Variants in CNTNAP2 observed in about 807,000 individuals in gnomAD.
CNTNAP2 encodes contactin associated protein 2, also known as contactin-associated protein-like 2.
CNTNAP2 carries 98 observed loss-of-function variants against 155.2 expected under a neutral mutation model. The ratio of observed to expected loss-of-function variants is 0.63; its 90% CI spans 0.54 to 0.75. The LOEUF is 0.75. Ranked by LOEUF, CNTNAP2 falls within the 30% of genes least tolerant of loss-of-function variation. CNTNAP2 has a pLI of 0.00. For missense variants in CNTNAP2, 1,727 were observed against 1,688.1 expected (o/e 1.02, Z -0.40); for synonymous variants, 651 against 631.2 (o/e 1.03, Z -0.47).
At position 148,254,861 on chromosome 7, in the gene CNTNAP2, T is replaced by G. The variant is rs186034854; in HGVS notation, c.3382-12172T>G. On this transcript the variant is annotated intron_variant, in intron 20 of 23. Transcript: ENST00000361727. ...GTTAATATCTATTTTCAAAAGCGAC[T>G]CTTCCTAATTTTATTGTTTTCTTCC... Among the ~76,000 whole-genome samples the G allele has an allele frequency of 2.1e-3, 315 of 152,186 alleles. 3 individuals carry two copies. Among genetic ancestry groups the G allele is most frequent in the African/African-American group, 7.3e-3 (303 of 41,530 alleles).
intron 9 of CNTNAP2, among the ~76,000 whole-genome samples, chr7:147,372,118 T>C (rs754561728): frequency 1.2e-4 from 18 of 152,080 alleles, no homozygotes; most frequent in South Asian, 2.1e-4. Flanking sequence ...AGAGAAAGCA[T>C]AGGGCTCAGG....
In CNTNAP2 at chr7:148,350,540, G is replaced by T. The variant is rs564928536; in HGVS notation, c.3476-33109G>T. 9.4e-4 allele frequency among the ~76,000 whole-genome samples: 143 copies of T among 152,258 alleles called. 1 individual carries two copies. The highest frequency in any genetic ancestry group is 1.8e-3 in the Admixed American group (28 of 15,290). ...GCAATAAGTCATTATTTTCAATGGGGTCGATAATACTGTCTCTGACACTAG... is the reference window on the plus strand; with the variant it reads ...GCAATAAGTCATTATTTTCAATGGGTTCGATAATACTGTCTCTGACACTAG... On this transcript the variant is annotated intron_variant, in intron 21 of 23. Transcript: ENST00000361727.
intron 9 of CNTNAP2, among the ~76,000 whole-genome samples, chr7:147,363,800 A>G (rs1461564096): frequency 6.6e-6 from 1 of 152,244 alleles, no homozygotes; most frequent in Non-Finnish European, 1.5e-5. Context: ...TTTAGGCTCA[A>G]TTCTCCAATG....
chr7:147,875,689 C>A (rs1799410467), intron 13 of CNTNAP2, among the ~76,000 whole-genome samples: 1 of 152,082 alleles, frequency 6.6e-6, no homozygotes, highest in East Asian at 1.9e-4. Flanking sequence ...CCCATGAGTT[C>A]AAGGCCAGCC....
intron 8 of CNTNAP2, among the ~76,000 whole-genome samples, chr7:147,169,622 G>A (rs1802186643): frequency 6.6e-6 from 1 of 151,576 alleles, no homozygotes; most frequent in Admixed American, 6.6e-5. Flanking sequence ...CATTAAGGAA[G>A]GAGGGAAGGA....
chr7:147,420,880 A>C (rs909211575), intron 10 of CNTNAP2, among the ~76,000 whole-genome samples: 17 of 152,208 alleles, frequency 1.1e-4, no homozygotes, highest in African/African-American at 4.1e-4. Flanking sequence ...CAATGTTTGT[A>C]ATCTAGTCCT....
intron 8 of CNTNAP2, among the ~76,000 whole-genome samples, chr7:147,168,767 T>C (rs1015840429): frequency 6.6e-6 from 1 of 152,148 alleles, no homozygotes; most frequent in African/African-American, 2.4e-5. Flanking sequence ...TTTAATACAC[T>C]TTTCATCTTT....
chr7:148,380,244 A>T (rs1259471484), intron 21 of CNTNAP2, among the ~76,000 whole-genome samples: 1 of 152,238 alleles, frequency 6.6e-6, no homozygotes, highest in Non-Finnish European at 1.5e-5. Flanking sequence ...ATTTGGTTTC[A>T]GTAGAGACCA....
At chr7:147,709,386 G>A (rs1796369313) in intron 13 of CNTNAP2, among the ~76,000 whole-genome samples, 1 of 152,132 alleles carries the variant, frequency 6.6e-6, no homozygotes, top group African/African-American at 2.4e-5. Flanking sequence ...CTCCATCTCA[G>A]CATCTGTTTC....
chr7:147,055,389 T>C (rs1283625732), intron 4 of CNTNAP2, among the ~76,000 whole-genome samples: 5 of 152,168 alleles, frequency 3.3e-5, no homozygotes, highest in Admixed American at 2.0e-4. Context: ...AGAGCACATG[T>C]CTGATGAAAG....
At chr7:148,259,748 G>C (rs113757994) in intron 20 of CNTNAP2, among the ~76,000 whole-genome samples, 2 of 152,336 alleles carry the variant, frequency 1.3e-5, no homozygotes, top group African/African-American at 4.8e-5. Flanking sequence ...AAATGGAAAT[G>C]AATGGATATT....
intron 2 of CNTNAP2, among the ~76,000 whole-genome samples, chr7:146,818,832 G>T (rs1803223253): frequency 6.6e-6 from 1 of 151,734 alleles, no homozygotes; most frequent in African/African-American, 2.4e-5. Context: ...GCTAAAAAGA[G>T]ATTATTCAGT....
At chr7:146,163,605 G>T (rs1798266767) in intron 1 of CNTNAP2, among the ~76,000 whole-genome samples, 1 of 142,046 alleles carries the variant, frequency 7.0e-6, no homozygotes, top group African/African-American at 2.7e-5. Context: ...ATATATATCA[G>T]GGCGTGGTGA....
intron 10 of CNTNAP2, among the ~76,000 whole-genome samples, chr7:147,475,054 G>C (rs972033984): frequency 6.6e-6 from 1 of 152,156 alleles, no homozygotes; most frequent in Admixed American, 6.6e-5. Context: ...TGTCTTATCA[G>C]TACACATAGA....
intron 1 of CNTNAP2, among the ~76,000 whole-genome samples, chr7:146,307,049 T>G (rs375442259): frequency 1.2e-4 from 18 of 152,322 alleles, no homozygotes; most frequent in East Asian, 1.2e-3. Context: ...TTGTCCCTGT[T>G]TGCAGATGAC....
chr7:148,018,161 C>G (rs138259574), intron 15 of CNTNAP2, among the ~76,000 whole-genome samples: 1,702 of 152,284 alleles, frequency 0.011, 20 homozygotes, highest in Non-Finnish European at 0.017. Context: ...CAATTTCTGA[C>G]ACCAATTTCA....
chr7:146,418,920 A>T (rs1177362205), intron 1 of CNTNAP2, among the ~76,000 whole-genome samples: 1 of 152,122 alleles, frequency 6.6e-6, no homozygotes, highest in East Asian at 1.9e-4. Flanking sequence ...ACCAGACATT[A>T]GAAGAGAGGC....
intron 18 of CNTNAP2, among the ~76,000 whole-genome samples, chr7:148,173,537 T>G (rs1273598544): frequency 6.6e-6 from 1 of 152,240 alleles, no homozygotes; most frequent in Admixed American, 6.5e-5. Context: ...GGCTACTGTT[T>G]GGCAGCGCTA....
At chr7:148,126,640 A>G (rs1019228693) in intron 16 of CNTNAP2, among the ~76,000 whole-genome samples, 1 of 152,206 alleles carries the variant, frequency 6.6e-6, no homozygotes, top group African/African-American at 2.4e-5. Flanking sequence ...TTGGTCACCT[A>G]TGTCACTGTT....
Sources: allele counts gnomAD v4.1 joint callset (sites outside exome capture counted in the v4.1 genomes callset), GRCh38; gene constraint gnomAD v4.1.1; transcripts MANE v1.5; gene names NCBI Gene and HGNC (gene_info 2026-07-23, HGNC 2026-07-21).